PMEPA1: variants seen among roughly 807,000 people sequenced by gnomAD.
PMEPA1 encodes prostate transmembrane protein, androgen induced 1.
A neutral mutation model predicts 23.0 loss-of-function variants in PMEPA1; 11 were observed. The observed-to-expected ratio is 0.48, with a 90% confidence interval of 0.30 to 0.79. The LOEUF is 0.79. Ranked by LOEUF, PMEPA1 falls within the 30% of genes least tolerant of loss-of-function variation. The pLI, the probability that PMEPA1 is intolerant of heterozygous loss-of-function variation, is 0.06. For synonymous variants in PMEPA1, 204 were observed against 166.4 expected (o/e 1.23, Z -1.74); for missense variants, 377 against 390.9 (o/e 0.96, Z 0.30).
intron 1 of PMEPA1, among the ~76,000 whole-genome samples, chr20:57,665,750 G>A (rs2071483393): frequency 6.6e-6 from 1 of 152,202 alleles, no homozygotes; most frequent in African/African-American, 2.4e-5. Flanking sequence ...CCCAAGGTGG[G>A]AGATTTGAGC....
intron 1 of PMEPA1, among the ~76,000 whole-genome samples, chr20:57,663,090 C>T (rs2071446039): frequency 6.6e-6 from 1 of 152,200 alleles, no homozygotes; most frequent in Admixed American, 6.5e-5. Flanking sequence ...GGCTCAGTAG[C>T]GCATAAGAGC....
chr20:57,706,736 CTGGCCTGGGGCTGGTG>C (rs1396384662), intron 1 of PMEPA1, among the ~76,000 whole-genome samples: 5 of 152,214 alleles, frequency 3.3e-5, no homozygotes, highest in Admixed American at 2.6e-4. Context: ...AGAAACCACC[CTGGCCTGGGGCTGGTG>C]TGGGTTTTGG....
At chr20:57,710,438 G>A (rs746238625), upstream of PMEPA1, 3 of 1,600,178 alleles carry the variant, frequency 1.9e-6, no homozygotes, top group Admixed American at 5.1e-5. Flanking sequence ...GAAAGGGGGA[G>A]GAAGCCCCCA....
At chr20:57,695,784 C>T (rs2146703626) in intron 1 of PMEPA1, among the ~76,000 whole-genome samples, 1 of 152,280 alleles carries the variant, frequency 6.6e-6, no homozygotes, top group East Asian at 1.9e-4. Flanking sequence ...GGGCTGAGGG[C>T]AGCTTAGCGG....
At chr20:57,690,214 T>C (rs568973528) in intron 1 of PMEPA1, among the ~76,000 whole-genome samples, 2 of 152,156 alleles carry the variant, frequency 1.3e-5, no homozygotes, top group Admixed American at 1.3e-4. Flanking sequence ...GCCAGAGAGG[T>C]TCCCAAGCAA....
At chr20:57,664,650 C>T (rs1259711771) in intron 1 of PMEPA1, among the ~76,000 whole-genome samples, 2 of 152,292 alleles carry the variant, frequency 1.3e-5, no homozygotes, top group East Asian at 1.9e-4. Flanking sequence ...TCAGATGCCT[C>T]GCGGGCAAGG....
intron 1 of PMEPA1, among the ~76,000 whole-genome samples, chr20:57,709,104 G>A (rs553849720): frequency 6.6e-6 from 1 of 152,062 alleles, no homozygotes; most frequent in Non-Finnish European, 1.5e-5. Context: ...CCCGCCCAAA[G>A]TTGATAAAGA....
At chr20:57,681,738 T>A (rs1366509760) in intron 1 of PMEPA1, among the ~76,000 whole-genome samples, 2 of 152,152 alleles carry the variant, frequency 1.3e-5, no homozygotes, top group African/African-American at 2.4e-5. Flanking sequence ...CCCCCTCATT[T>A]TACAGAAGAA....
chr20:57,685,769 G>C (rs1344530037), intron 1 of PMEPA1, among the ~76,000 whole-genome samples: 1 of 152,148 alleles, frequency 6.6e-6, no homozygotes, highest in Non-Finnish European at 1.5e-5. Flanking sequence ...CCTAGTAGCA[G>C]CAATTTTGTT....
At chr20:57,674,480 A>G (rs2071609995) in intron 1 of PMEPA1, among the ~76,000 whole-genome samples, 1 of 152,228 alleles carries the variant, frequency 6.6e-6, no homozygotes, top group Non-Finnish European at 1.5e-5. Context: ...TGAGCAGAAT[A>G]ATACACCTTG....
Position 57,656,607 on chromosome 20 carries a change from G to A in PMEPA1, c.264+2936C>T, listed in dbSNP as rs566270098. On this transcript the variant is annotated intron_variant, in intron 2 of 3. Coordinates refer to ENST00000341744, the MANE Select transcript of PMEPA1 (RefSeq NM_020182.5). This position sits in a 1 kb window ranked among gnomAD's most constrained non-coding sequence, Gnocchi z 4.7. ...CAGGGTGGAAGTGCCATCCCTGGTC[G>A]AGGGGCTTGCCTGCACTGGAGCCTC... Among the ~76,000 whole-genome samples the A allele has an allele frequency of 9.2e-5, 14 of 152,276 alleles. No homozygotes were observed. Among genetic ancestry groups the A allele is most frequent in the East Asian group, 1.9e-4 (1 of 5,132 alleles).
intron 1 of PMEPA1, among the ~76,000 whole-genome samples, chr20:57,698,608 T>G (rs1035474283): frequency 1.3e-5 from 2 of 152,196 alleles, no homozygotes; most frequent in Non-Finnish European, 2.9e-5. Context: ...AACTAAATTG[T>G]TTTTAGGAAG....
intron 2 of PMEPA1, among the ~76,000 whole-genome samples, chr20:57,658,394 C>T (rs1282121338): frequency 6.6e-6 from 1 of 152,208 alleles, no homozygotes; most frequent in African/African-American, 2.4e-5. Context: ...CTTCCTTCAT[C>T]CGTGCACCTG....
At chr20:57,686,113 G>A (rs1316819870) in intron 1 of PMEPA1, among the ~76,000 whole-genome samples, 1 of 152,134 alleles carries the variant, frequency 6.6e-6, no homozygotes, top group African/African-American at 2.4e-5. Context: ...CAGCATCCAG[G>A]AGCTCCCAGA....
intron 1 of PMEPA1, among the ~76,000 whole-genome samples, chr20:57,662,342 G>A (rs954422201): frequency 2.6e-5 from 4 of 152,206 alleles, no homozygotes; most frequent in South Asian, 2.1e-4. Flanking sequence ...CCCATTTCAC[G>A]GGTGAGGAGA....
chr20:57,696,232 C>T (rs1046039899), intron 1 of PMEPA1, among the ~76,000 whole-genome samples: 2 of 152,186 alleles, frequency 1.3e-5, no homozygotes, highest in East Asian at 3.9e-4. Context: ...GGTTCTGAGG[C>T]TCAGGGGAAG....
At chr20:57,700,708 A>C (rs1469244784) in intron 1 of PMEPA1, among the ~76,000 whole-genome samples, 1 of 152,180 alleles carries the variant, frequency 6.6e-6, no homozygotes, top group Non-Finnish European at 1.5e-5. Flanking sequence ...CCACTGAAAC[A>C]ATAACAAATG....
intron 2 of PMEPA1, 85 bp downstream of exon 2, chr20:57,659,458 C>A (rs1600777216): frequency 1.4e-6 from 2 of 1,413,012 alleles, no homozygotes; most frequent in East Asian, 4.9e-5. Context: ...CCTGCAAACG[C>A]TGCCATTGGA....
At chr20:57,658,445 G>A (rs1447465521) in intron 2 of PMEPA1, among the ~76,000 whole-genome samples, 1 of 152,108 alleles carries the variant, frequency 6.6e-6, no homozygotes, top group Non-Finnish European at 1.5e-5. Flanking sequence ...AGCACCCCCT[G>A]GGACTGGCTC....
Sources: allele counts gnomAD v4.1 joint callset (sites outside exome capture counted in the v4.1 genomes callset), GRCh38; gene constraint gnomAD v4.1.1; non-coding constraint Gnocchi (gnomAD v3.1); transcripts MANE v1.5; gene names NCBI Gene and HGNC (gene_info 2026-07-23, HGNC 2026-07-21).